ZNF521: variants seen among roughly 807,000 people sequenced by gnomAD.
ZNF521 encodes zinc finger protein 521.
ZNF521 carries 14 observed loss-of-function variants against 105.5 expected under a neutral mutation model. The ratio of observed to expected loss-of-function variants is 0.13; its 90% CI spans 0.09 to 0.21. The LOEUF is 0.21. Ranked by LOEUF, ZNF521 falls within the 10% of genes least tolerant of loss-of-function variation. The probability of loss-of-function intolerance (pLI) is 1.00; values close to 1 mark genes in which losing one functional copy is unlikely to be tolerated. For missense variants in ZNF521, 1,233 were observed against 1,629.7 expected (o/e 0.76, Z 4.19); for synonymous variants, 635 against 606.0 (o/e 1.05, Z -0.70).
At chr18:25,320,402 C>G (rs1240621183) in intron 3 of ZNF521, among the ~76,000 whole-genome samples, 8 of 152,124 alleles carry the variant, frequency 5.3e-5, no homozygotes, top group Non-Finnish European at 1.2e-4. Context: ...AACTCCTGAC[C>G]TCAGATGATC....
intron 3 of ZNF521, among the ~76,000 whole-genome samples, chr18:25,250,105 A>AT (rs1041292971): frequency 6.6e-6 from 1 of 151,832 alleles, no homozygotes; most frequent in Non-Finnish European, 1.5e-5. Flanking sequence ...CTCCCGGCTA[A>AT]TTTTTTTGTA....
intron 5 of ZNF521, among the ~76,000 whole-genome samples, chr18:25,165,886 C>T (rs1004241880): frequency 3.9e-5 from 6 of 152,156 alleles, no homozygotes; most frequent in Non-Finnish European, 7.3e-5. Context: ...ATCACACATA[C>T]GCTGGGCTCT....
At chr18:25,336,227 G>GAAAT (rs1913873683) in intron 2 of ZNF521, among the ~76,000 whole-genome samples, 1 of 152,164 alleles carries the variant, frequency 6.6e-6, no homozygotes, top group Non-Finnish European at 1.5e-5. Context: ...TCTCTCTGAA[G>GAAAT]CCAAGAAGAA....
At chr18:25,124,045 G>T (rs1192493180) in intron 5 of ZNF521, among the ~76,000 whole-genome samples, 4 of 152,094 alleles carry the variant, frequency 2.6e-5, no homozygotes, top group African/African-American at 9.7e-5. Flanking sequence ...GTGCTGCTTG[G>T]AGCCTGCGTT....
At chr18:25,150,151 C>A (rs773926159) in intron 5 of ZNF521, among the ~76,000 whole-genome samples, 1 of 152,096 alleles carries the variant, frequency 6.6e-6, no homozygotes, top group Non-Finnish European at 1.5e-5. Flanking sequence ...TGGAGACCAT[C>A]CAGTTATTCT....
At chr18:25,191,983 C>T (rs2035826015) in intron 5 of ZNF521, among the ~76,000 whole-genome samples, 1 of 151,968 alleles carries the variant, frequency 6.6e-6, no homozygotes, top group Admixed American at 6.6e-5. Flanking sequence ...AGGTCAAAAG[C>T]CAACATAAAC....
At chr18:25,168,282 T>C (rs570443173) in intron 5 of ZNF521, among the ~76,000 whole-genome samples, 59 of 152,306 alleles carry the variant, frequency 3.9e-4, no homozygotes, top group Non-Finnish European at 5.3e-4. Context: ...AGCTGGTACT[T>C]GGAAGAGATT....
chr18:25,297,239 C>T (rs1911375757), intron 3 of ZNF521, among the ~76,000 whole-genome samples: 1 of 151,750 alleles, frequency 6.6e-6, no homozygotes, highest in South Asian at 2.1e-4. Flanking sequence ...ACTAGATATA[C>T]GTAAAGAAAC....
chr18:25,241,939 G>A (rs1183503623), intron 3 of ZNF521, among the ~76,000 whole-genome samples: 1 of 152,120 alleles, frequency 6.6e-6, no homozygotes, highest in East Asian at 1.9e-4. Flanking sequence ...GTAAACAAGT[G>A]TACAAATTAA....
At chr18:25,208,823 C>T (rs1158362735) in intron 4 of ZNF521, among the ~76,000 whole-genome samples, 2 of 152,052 alleles carry the variant, frequency 1.3e-5, no homozygotes, top group Non-Finnish European at 2.9e-5. Context: ...GAACTGCTGG[C>T]ACATGCCACA....
Position 25,157,531 on chromosome 18 carries a change from T to A in ZNF521, c.3658+37629A>T, listed in dbSNP as rs974212498. On this transcript the variant is annotated intron_variant, in intron 5 of 7. Transcript: ENST00000361524. ...TAGAAGAGCAACACGTTGGTAACAA[T>A]TCAGTGTCCAGTGTAGACCGTGCAA... is the stretch of plus-strand genomic sequence containing the variant. 2.0e-4 allele frequency among the ~76,000 whole-genome samples: 31 copies of A among 152,210 alleles called. 1 individual carries two copies. The highest frequency in any genetic ancestry group is 2.1e-4 in the Non-Finnish European group (14 of 68,034).
At chr18:25,259,954 G>A (rs1459173006) in intron 3 of ZNF521, among the ~76,000 whole-genome samples, 3 of 152,194 alleles carry the variant, frequency 2.0e-5, no homozygotes, top group Admixed American at 2.0e-4. Context: ...AAGGAATAGA[G>A]AGCAAGTGGG....
intron 3 of ZNF521, among the ~76,000 whole-genome samples, chr18:25,284,999 C>G (rs991161768): frequency 6.6e-6 from 1 of 151,690 alleles, no homozygotes; most frequent in Admixed American, 6.6e-5. Context: ...AAGAGCCCAG[C>G]TGCTTCCTTA....
At position 25,226,517 on chromosome 18, in the gene ZNF521, C is replaced by G. The variant is rs769802375; in HGVS notation, c.1401G>C (p.Leu467=). ...KQVHEAQDPG[L]IVSAMPAIVY... is the part of the protein sequence containing the mutation. Reference sequence around the variant, plus strand: ...CAATGGCAGGCATGGCAGAAACAATCAGACCTGGGTCCTGAGCTTCATGCA... The same window carrying G: ...CAATGGCAGGCATGGCAGAAACAATGAGACCTGGGTCCTGAGCTTCATGCA... Residue 467 remains leucine, a synonymous_variant, in exon 4 of 8, where the codon CTG becomes CTC. Coordinates refer to ENST00000361524, the MANE Select transcript of ZNF521 (RefSeq NM_015461.3). The surrounding 1 kb of genome is among the most constrained non-coding windows in gnomAD (Gnocchi z 4.1). 27 of 1,613,992 alleles carry G rather than the reference C, an allele frequency of 1.7e-5. No homozygotes were observed. Among genetic ancestry groups the G allele is most frequent in the Non-Finnish European group, 2.2e-5 (26 of 1,180,028 alleles).
chr18:25,284,280 A>C (rs916529205), intron 3 of ZNF521, among the ~76,000 whole-genome samples: 3 of 152,200 alleles, frequency 2.0e-5, no homozygotes, highest in Non-Finnish European at 4.4e-5. Flanking sequence ...CTTGCCCTCA[A>C]GCCCTATGTA....
intron 3 of ZNF521, among the ~76,000 whole-genome samples, chr18:25,244,281 T>TGC (rs1457644142): frequency 2.0e-4 from 26 of 129,796 alleles, no homozygotes; most frequent in African/African-American, 1.6e-4. Context: ...TGTATGCATG[T>TGC]GCACACACAC....
chr18:25,070,931 G>A (rs887376617), intron 7 of ZNF521, among the ~76,000 whole-genome samples: 6 of 152,044 alleles, frequency 3.9e-5, no homozygotes, highest in African/African-American at 1.4e-4. Context: ...AAGAAATGGT[G>A]GTCTATGAGG....
At chr18:25,205,212 G>C (rs1294291189) in intron 4 of ZNF521, among the ~76,000 whole-genome samples, 1 of 147,074 alleles carries the variant, frequency 6.8e-6, no homozygotes, top group Non-Finnish European at 1.5e-5. Flanking sequence ...CTAGGAAAAG[G>C]AATTTGTCTC....
chr18:25,074,112 G>A (rs771663149), intron 7 of ZNF521, among the ~76,000 whole-genome samples: 1 of 152,142 alleles, frequency 6.6e-6, no homozygotes, highest in Non-Finnish European at 1.5e-5. Flanking sequence ...ATGCCTGTGC[G>A]CATGTCCATT....
Sources: allele counts gnomAD v4.1 joint callset (sites outside exome capture counted in the v4.1 genomes callset), GRCh38; gene constraint gnomAD v4.1.1; non-coding constraint Gnocchi (gnomAD v3.1); transcripts MANE v1.5; gene names NCBI Gene and HGNC (gene_info 2026-07-23, HGNC 2026-07-21).